SERINC2: variants seen among roughly 807,000 people sequenced by gnomAD.
SERINC2 encodes serine incorporator 2, also known as tumor differentially expressed protein 2.
A neutral mutation model predicts 54.2 loss-of-function variants in SERINC2; 56 were observed. The ratio of observed to expected loss-of-function variants is 1.03; its 90% CI spans 0.83 to 1.29. The LOEUF is 1.29. Ranked by LOEUF, SERINC2 falls within the 50% of genes most tolerant of loss-of-function variation. The pLI is 0.00. For missense variants in SERINC2, 614 were observed against 607.4 expected (o/e 1.01, Z -0.12); for synonymous variants, 272 against 253.1 (o/e 1.07, Z -0.71).
chr1:31,434,123 C>T lies in SERINC2; in HGVS notation c.1292C>T (p.Ala431Val), dbSNP rs1267733544. The T allele has an allele frequency of 1.1e-5, 18 of 1,613,838 alleles. No individual in the cohort carries two copies. Among genetic ancestry groups the T allele is most frequent in the Non-Finnish European group, 1.5e-5 (18 of 1,179,958 alleles). Residue 431 changes from alanine to valine, a missense_variant, in exon 10 of 10, where the codon GCC (alanine) becomes GTC (valine). Coordinates refer to ENST00000373709, the MANE Select transcript of SERINC2 (RefSeq NM_178865.5). Reference protein sequence around the residue: ...TWTAVWVKICASWAGLLLYLW... With the variant: ...TWTAVWVKICVSWAGLLLYLW... ...ACCGCCGTGTGGGTGAAGATCTGTG[C>T]CAGCTGGGCAGGGCTGCTCCTCTAC...
chr1:31,428,407 G>A (rs1259927024), intron 6 of SERINC2, among the ~76,000 whole-genome samples: 1 of 152,170 alleles, frequency 6.6e-6, no homozygotes, highest in Non-Finnish European at 1.5e-5. Context: ...GGGTGGGGAA[G>A]GACAGGCAAC....
intron 1 of SERINC2, among the ~76,000 whole-genome samples, chr1:31,416,101 C>T (rs1490904977): frequency 1.3e-5 from 2 of 152,210 alleles, no homozygotes; most frequent in Non-Finnish European, 2.9e-5. Context: ...ATCTCTGTGA[C>T]TGTGGGCAGT....
At position 31,432,140 on chromosome 1, in the gene SERINC2, GGGTGGAC is replaced by G. The variant is rs1641297743; in HGVS notation, c.1014-826_1014-820del. ...GTGGTTAGGGTGGATAGGGTGGACA[GGGTGGAC>G]AGGGTGGACAGGGTGGATAGGGTGG... On this transcript the variant is annotated intron_variant, in intron 8 of 9. Coordinates refer to ENST00000373709, the MANE Select transcript of SERINC2 (RefSeq NM_178865.5). 3.6e-5 allele frequency among the ~76,000 whole-genome samples: 5 copies of G among 140,576 alleles called. 1 individual carries two copies. The highest frequency in any genetic ancestry group is 8.3e-5 in the African/African-American group (3 of 36,096). The allele number at this position is 140,576 out of a possible 152,430, so 92.2% of individuals were successfully genotyped here.
At position 31,425,840 on chromosome 1, in the gene SERINC2, C is replaced by G. The variant is rs2275434; in HGVS notation, c.537C>G (p.Ile179Met). ...LFILIQLVLL[I>M]DFAHSWNQRW... Reference sequence around the variant, plus strand: ...TCCTCATCCAGCTGGTGCTGCTCATCGACTTTGCGCACTCCTGGAACCAGC... The same window carrying G: ...TCCTCATCCAGCTGGTGCTGCTCATGGACTTTGCGCACTCCTGGAACCAGC... The change falls in exon 5 of 10, where the codon ATC (isoleucine) becomes ATG (methionine). Residue 179 changes from isoleucine (I) to methionine (M), a missense_variant. By Grantham distance (10) the Ile-to-Met change is conservative (BLOSUM62 1). Transcript: ENST00000373709. The G allele has an allele frequency of 6.2e-7, 1 of 1,613,502 alleles. No individual in the cohort carries two copies. Among genetic ancestry groups the G allele is most frequent in the South Asian group, 1.1e-5 (1 of 91,050 alleles).
Position 31,425,762 on chromosome 1 carries a change from C to T in SERINC2, c.473-14C>T. 6.2e-7 allele frequency: 1 copy of T among 1,611,680 alleles called. No individual in the cohort carries two copies. Among genetic ancestry groups the T allele is most frequent in the Admixed American group, 1.7e-5 (1 of 59,910 alleles). ...GAGGGACCCTCCTCGCCTCACTCCC[C>T]TCTCCCCACCCAGTCTGGTTCTACT... On this transcript the variant is annotated splice_polypyrimidine_tract_variant and intron_variant, in intron 4 of 9. Transcript: ENST00000373709.
chr1:31,431,814 CAGGGTGGAT>C (rs1557499900), intron 8 of SERINC2, among the ~76,000 whole-genome samples: 36 of 34,096 alleles, frequency 1.1e-3, no homozygotes, highest in East Asian at 1.5e-3. Context: ...ACAGGGTGGA[CAGGGTGGAT>C]AGGGTGGATA....
intron 8 of SERINC2, among the ~76,000 whole-genome samples, chr1:31,432,556 C>T (rs1408966000): frequency 6.6e-6 from 1 of 152,028 alleles, no homozygotes; most frequent in Non-Finnish European, 1.5e-5. Flanking sequence ...GATGTAGTAC[C>T]TGGTATGGTA....
chr1:31,424,865 C>T lies in SERINC2; in HGVS notation c.384C>T (p.Ile128=), dbSNP rs782259227. The change falls in exon 3 of 10, where the codon ATC becomes ATT. Residue 128 remains isoleucine (I), a synonymous_variant. Coordinates refer to ENST00000373709, the MANE Select transcript of SERINC2 (RefSeq NM_178865.5). ...GCAGCCGGGACCCCCGGGCTGCCATCCAGAATGGGTGAGAGAGGGGTCCCT... is the reference window on the plus strand; with the variant it reads ...GCAGCCGGGACCCCCGGGCTGCCATTCAGAATGGGTGAGAGAGGGGTCCCT... The part of the protein sequence containing the change: ...VSSSRDPRAA[I]QNGFWFFKFL... 17 of 1,610,698 alleles carry T rather than the reference C, an allele frequency of 1.1e-5. No individual in the cohort carries two copies. The highest frequency in any genetic ancestry group is 1.4e-5 in the Non-Finnish European group (16 of 1,179,130).
intron 1 of SERINC2, among the ~76,000 whole-genome samples, chr1:31,420,976 G>C (rs1349461980): frequency 6.6e-6 from 1 of 152,110 alleles, no homozygotes; most frequent in African/African-American, 2.4e-5. Flanking sequence ...CTGATACCCA[G>C]AATGTTCTTT....
intron 1 of SERINC2, among the ~76,000 whole-genome samples, chr1:31,421,885 C>A (rs2148516033): frequency 6.6e-6 from 1 of 152,366 alleles, no homozygotes; most frequent in South Asian, 2.1e-4. Context: ...TCTTAAATTC[C>A]TCAAATGCCC....
rs140424917 is a variant in SERINC2 at position 31,423,719 on chromosome 1, C to T, written c.66C>T (p.Pro22=). ...SCASCLCGSA[P]CILCSCCPAS... ...CGTCCTGCCTCTGCGGCTCTGCCCC[C>T]TGCATCCTGTGCAGCTGCTGCCCCG... Residue 22 remains proline (P), a synonymous_variant, in exon 2 of 10, where the codon CCC becomes CCT. Coordinates refer to ENST00000373709, the MANE Select transcript of SERINC2 (RefSeq NM_178865.5). 2.6e-4 allele frequency: 420 copies of T among 1,611,352 alleles called. No individual in the cohort carries two copies. Among genetic ancestry groups the T allele is most frequent in the Non-Finnish European group, 3.4e-4 (396 of 1,179,932 alleles).
At chr1:31,424,585 C>G in intron 2 of SERINC2, 98 bp from the exon 3 acceptor site, 1 of 1,058,094 alleles carries the variant, frequency 9.5e-7, no homozygotes, top group Non-Finnish European at 1.3e-6. Flanking sequence ...AGCCTCTTTC[C>G]TGGCCGGCCT....
chr1:31,413,348 C>G lies in SERINC2; in HGVS notation c.39+44C>G. On this transcript the variant is annotated intron_variant, in intron 1 of 9. Coordinates refer to ENST00000373709, the MANE Select transcript of SERINC2 (RefSeq NM_178865.5). This position sits in a 1 kb window ranked among gnomAD's most constrained non-coding sequence, Gnocchi z 5.0. ...GCCCGCCCGCGCGCGCCGCCCGTTC[C>G]TGCTGCGGGCCCTCACTTTCTTCTG... 1 of 1,054,214 alleles carries G rather than the reference C, an allele frequency of 9.5e-7. No individual in the cohort carries two copies. The highest frequency in any genetic ancestry group is 1.2e-6 in the Non-Finnish European group (1 of 822,882). 65.3% of individuals were successfully genotyped at this position (1,054,214 alleles called of 1,614,324 possible).
Position 31,426,799 on chromosome 1 carries a change from C to G in SERINC2, c.756C>G (p.Ile252Met), listed in dbSNP as rs782055941. The G allele has an allele frequency of 1.2e-6, 2 of 1,614,008 alleles. No homozygotes were observed. Among genetic ancestry groups the G allele is most frequent in the Admixed American group, 1.7e-5 (1 of 60,028 alleles). Residue 252 changes from isoleucine to methionine, a missense_variant, in exon 6 of 10, where the codon ATC (isoleucine) becomes ATG (methionine). Ile to Met is a conservative substitution (Grantham distance 10). Transcript: ENST00000373709. ...LNLTFCVCVS[I>M]AAVLPKVQDA... ...TCACCTTCTGTGTCTGCGTGTCCATCGCTGCTGTCCTGCCCAAGGTCCAGG... is the reference window on the plus strand; with the variant it reads ...TCACCTTCTGTGTCTGCGTGTCCATGGCTGCTGTCCTGCCCAAGGTCCAGG...
At chr1:31,430,230 G>A (rs1641159630) in intron 8 of SERINC2, among the ~76,000 whole-genome samples, 2 of 152,082 alleles carry the variant, frequency 1.3e-5, no homozygotes, top group African/African-American at 4.8e-5. Context: ...ACTTAGAAAG[G>A]GGCCAGGCAT....
chr1:31,424,542 C>T, intron 2 of SERINC2, 141 bp from the exon 3 acceptor site: 2 of 670,284 alleles, frequency 3.0e-6, no homozygotes, highest in Non-Finnish European at 5.1e-6. Flanking sequence ...GTGAGGGGCT[C>T]CCCTCCCTGT....
intron 5 of SERINC2, 76 bp from the exon 6 acceptor site, chr1:31,426,578 G>A: frequency 8.0e-7 from 1 of 1,253,028 alleles, no homozygotes; most frequent in South Asian, 1.5e-5. Flanking sequence ...TGCCAACAGG[G>A]TCCCTCGAGG....
chr1:31,429,370 T>C, intron 7 of SERINC2, 27 bp from the exon 8 acceptor site: 2 of 1,596,792 alleles, frequency 1.3e-6, no homozygotes, highest in South Asian at 1.1e-5. Flanking sequence ...CTGCATGGGC[T>C]GAGGGTGATT....
chr1:31,432,155 A>ATAGGATGGT, intron 8 of SERINC2, among the ~76,000 whole-genome samples: 1 of 117,842 alleles, frequency 8.5e-6, no homozygotes, highest in African/African-American at 3.6e-5. Context: ...GACAGGGTGG[A>ATAGGATGGT]CAGGGTGGAT....
Sources: allele counts gnomAD v4.1 joint callset (sites outside exome capture counted in the v4.1 genomes callset), GRCh38; gene constraint gnomAD v4.1.1; non-coding constraint Gnocchi (gnomAD v3.1); transcripts MANE v1.5; gene names NCBI Gene and HGNC (gene_info 2026-07-23, HGNC 2026-07-21).